PCDH15: variants seen among roughly 807,000 people sequenced by gnomAD.
The protein encoded by PCDH15 is protocadherin related 15, also known as protocadherin-15.
Under a neutral mutation model 178.5 loss-of-function variants are expected in PCDH15, and 129 were observed. That is an observed-to-expected ratio of 0.72 (90% confidence interval 0.63 to 0.84). The LOEUF (loss-of-function observed/expected upper bound fraction) is 0.84. Among genes scored for constraint, PCDH15 ranks in the 40% least tolerant of loss-of-function variants. The probability of loss-of-function intolerance (pLI) is 0.00; values close to 1 mark genes in which losing one functional copy is unlikely to be tolerated. For missense variants in PCDH15, 2,230 were observed against 2,099.9 expected, an observed-to-expected ratio of 1.06 and a Z score of -1.21; for synonymous variants, 800 against 732.0, an observed-to-expected ratio of 1.09 and a Z score of -1.50.
intron 1 of PCDH15, among the ~76,000 whole-genome samples, chr10:55,204,521 C>CTAATGATATTTACTCTATA (rs200318924): frequency 0.17 from 25,175 of 151,986 alleles, 2,692 homozygotes; most frequent in Non-Finnish European, 0.24. Context: ...GAAAAGGCTA[C>CTAATGATATTTACTCTATA]TATACCTTGT....
At chr10:55,099,403 A>C (rs1305141184) in intron 2 of PCDH15, among the ~76,000 whole-genome samples, 1 of 152,104 alleles carries the variant, frequency 6.6e-6, no homozygotes, top group Non-Finnish European at 1.5e-5. Flanking sequence ...AAATACAATT[A>C]CTAAAAGAAA....
At chr10:54,939,543 G>C (rs1368551945) in intron 2 of PCDH15, among the ~76,000 whole-genome samples, 1 of 144,090 alleles carries the variant, frequency 6.9e-6, no homozygotes, top group South Asian at 2.2e-4. Context: ...TAATTTGTAG[G>C]CATTTGGTAG....
intron 1 of PCDH15, among the ~76,000 whole-genome samples, chr10:55,248,278 A>G (rs775443907): frequency 1.4e-4 from 21 of 152,046 alleles, no homozygotes; most frequent in African/African-American, 5.1e-4. Context: ...TCATTTTGAA[A>G]AAAACACTTA....
intron 2 of PCDH15, among the ~76,000 whole-genome samples, chr10:55,623,987 A>G (rs1837467652): frequency 6.6e-6 from 1 of 152,070 alleles, no homozygotes. Flanking sequence ...TGAAAAGAAA[A>G]TGAATTTCTA....
chr10:54,587,710 A>G (rs2091594202), intron 2 of PCDH15, among the ~76,000 whole-genome samples: 1 of 152,188 alleles, frequency 6.6e-6, no homozygotes, highest in African/African-American at 2.4e-5. Flanking sequence ...CACTATTCAA[A>G]CTATTAGTAA....
In PCDH15 at chr10:54,214,001, C is replaced by G. The variant is rs756257025; in HGVS notation, c.1033G>C (p.Ala345Pro). ...ACTGGCTCCAGGAGACTAAGTTCTG[C>G]TGTCCTAGGATGCATATGGAAAAAT... ...PRFFHMHPRT[A>P]ELSLLEPVNR... The change falls in exon 10 of 38, where the codon GCA becomes CCA. Residue 345 changes from alanine to proline, a missense_variant. Transcript: ENST00000644397. The G allele has an allele frequency of 6.2e-7, 1 of 1,612,080 alleles. No individual in the cohort carries two copies. Among genetic ancestry groups the G allele is most frequent in the South Asian group, 1.1e-5 (1 of 91,032 alleles).
intron 11 of PCDH15, among the ~76,000 whole-genome samples, chr10:54,186,181 G>C (rs1035115373): frequency 6.6e-6 from 1 of 152,024 alleles, no homozygotes; most frequent in African/African-American, 2.4e-5. Flanking sequence ...TTGAAAAAGA[G>C]AGAAAGGAGT....
intron 3 of PCDH15, among the ~76,000 whole-genome samples, chr10:54,859,543 G>T (rs1591747586): frequency 6.6e-6 from 1 of 151,892 alleles, no homozygotes; most frequent in East Asian, 2.0e-4. Flanking sequence ...CCAGAGTACT[G>T]CTTTATAGCT....
At chr10:54,525,741 G>A (rs1007231040) in intron 3 of PCDH15, among the ~76,000 whole-genome samples, 1 of 152,188 alleles carries the variant, frequency 6.6e-6, no homozygotes, top group African/African-American at 2.4e-5. Context: ...CTACAGGCAT[G>A]AGCCACCCAA....
intron 2 of PCDH15, among the ~76,000 whole-genome samples, chr10:55,127,161 AG>A (rs544969396): frequency 5.3e-5 from 8 of 152,102 alleles, no homozygotes; most frequent in Non-Finnish European, 1.2e-4. Flanking sequence ...AATTGACACA[AG>A]ATCTACTTTG....
intron 2 of PCDH15, among the ~76,000 whole-genome samples, chr10:54,612,741 T>A (rs2093004335): frequency 6.6e-6 from 1 of 151,728 alleles, no homozygotes; most frequent in African/African-American, 2.4e-5. Flanking sequence ...AACAATTGGG[T>A]AACAATTATA....
intron 28 of PCDH15, among the ~76,000 whole-genome samples, chr10:53,848,108 A>T (rs1021187445): frequency 6.6e-6 from 1 of 152,014 alleles, no homozygotes; most frequent in African/African-American, 2.4e-5. Context: ...AAGAATAATA[A>T]ATAGGATTAA....
intron 1 of PCDH15, among the ~76,000 whole-genome samples, chr10:55,243,025 C>G (rs1158950854): frequency 6.6e-6 from 1 of 151,946 alleles, no homozygotes; most frequent in African/African-American, 2.4e-5. Context: ...GAATAGAGAC[C>G]TTACAGAAAA....
At chr10:55,334,508 T>C (rs1361094387) in intron 2 of PCDH15, among the ~76,000 whole-genome samples, 1 of 151,556 alleles carries the variant, frequency 6.6e-6, no homozygotes, top group Non-Finnish European at 1.5e-5. Flanking sequence ...GGCTTCTCCA[T>C]GTTGGTCAGG....
intron 2 of PCDH15, among the ~76,000 whole-genome samples, chr10:55,431,945 C>G (rs1243799458): frequency 3.3e-5 from 5 of 152,060 alleles, no homozygotes; most frequent in African/African-American, 4.8e-5. Context: ...CCAACAAACG[C>G]TTATCTAAGC....
At chr10:55,078,326 G>C (rs1591885373) in intron 2 of PCDH15, among the ~76,000 whole-genome samples, 2 of 152,214 alleles carry the variant, frequency 1.3e-5, no homozygotes, top group Middle Eastern at 6.8e-3. Flanking sequence ...CTGTCTGGGG[G>C]ATTGCTTGGC....
At position 54,725,897 on chromosome 10, in the gene PCDH15, AT is replaced by A. The variant is rs1555170311; in HGVS notation, c.-28-61608del. Among the ~76,000 whole-genome samples the A allele has an allele frequency of 4.3e-5, 5 of 117,100 alleles. No individual in the cohort carries two copies. In the East Asian group the frequency reaches 1.1e-3, roughly 26 times the overall value. The allele number at this position is 117,100 out of a possible 152,430, so 76.8% of individuals were successfully genotyped here. ...TGGAATTCAGTTCTGGTAAAAAAAA[AT>A]TACTGCTGATATGCACTAACTTGAT... On this transcript the variant is annotated intron_variant, in intron 1 of 37. Coordinates refer to ENST00000644397, the MANE Select transcript of PCDH15 (RefSeq NM_001384140.1).
intron 3 of PCDH15, among the ~76,000 whole-genome samples, chr10:54,456,893 C>T (rs1328503643): frequency 6.6e-6 from 1 of 152,078 alleles, no homozygotes; most frequent in Non-Finnish European, 1.5e-5. Context: ...CTGCTTCCTG[C>T]TGCCATGTGA....
chr10:54,570,018 C>G (rs1304383187), intron 2 of PCDH15, among the ~76,000 whole-genome samples: 1 of 147,884 alleles, frequency 6.8e-6, no homozygotes, highest in Non-Finnish European at 1.5e-5. Context: ...GGAATAGACT[C>G]TCTTTGCCAA....
Sources: gnomAD v4.1 joint callset for allele counts (sites outside exome capture counted in the v4.1 genomes callset) on GRCh38, gnomAD v4.1.1 for gene constraint, MANE v1.5 for transcripts, NCBI Gene and HGNC (gene_info 2026-07-23, HGNC 2026-07-21) for gene names.